SGCD: variants seen among roughly 807,000 people sequenced by gnomAD.
The protein encoded by SGCD is delta-sarcoglycan.
SGCD carries 18 observed loss-of-function variants against 36.6 expected under a neutral mutation model. The observed-to-expected ratio is 0.49, with a 90% CI of 0.34 to 0.73. The LOEUF is 0.73. SGCD is among the 30% of genes least tolerant of loss of function. The probability of loss-of-function intolerance (pLI) is 0.01; values close to 1 mark genes in which losing one functional copy is unlikely to be tolerated. For synonymous variants in SGCD, 133 were observed against 130.6 expected (o/e 1.02, Z -0.12); for missense variants, 387 against 346.7 (o/e 1.12, Z -0.92).
At chr5:155,920,745 T>C (rs1407179716) in intron 1 of SGCD, among the ~76,000 whole-genome samples, 1 of 152,068 alleles carries the variant, frequency 6.6e-6, no homozygotes, top group Non-Finnish European at 1.5e-5. Context: ...TCTTGGATGG[T>C]GCAGTCATCA....
intron 1 of SGCD, among the ~76,000 whole-genome samples, chr5:156,073,435 T>C (rs570503824): frequency 6.6e-6 from 1 of 152,276 alleles, no homozygotes; most frequent in Non-Finnish European, 1.5e-5. Flanking sequence ...TGATGGTTTA[T>C]GCCTGTAGGT....
intron 5 of SGCD, among the ~76,000 whole-genome samples, chr5:156,593,106 G>A (rs1169123164): frequency 6.6e-6 from 1 of 152,128 alleles, no homozygotes; most frequent in Non-Finnish European, 1.5e-5. Context: ...GATAGATACA[G>A]TAGGCAGTGA....
At chr5:155,892,459 G>GAAAAAAAAAAAAA (rs70981989) in intron 1 of SGCD, among the ~76,000 whole-genome samples, 1 of 94,312 alleles carries the variant, frequency 1.1e-5, no homozygotes. Flanking sequence ...ATCTGAAAAA[G>GAAAAAAAAAAAAA]AAAAAAAAAA....
At chr5:156,026,912 C>A (rs886821456) in intron 1 of SGCD, among the ~76,000 whole-genome samples, 1 of 151,886 alleles carries the variant, frequency 6.6e-6, no homozygotes, top group Non-Finnish European at 1.5e-5. Flanking sequence ...CATTGTAGTA[C>A]AAAAATGATG....
intron 6 of SGCD, among the ~76,000 whole-genome samples, chr5:156,634,648 G>C (rs564884213): frequency 4.3e-4 from 65 of 152,218 alleles, no homozygotes; most frequent in Non-Finnish European, 8.5e-4. Context: ...GTAGCATGAG[G>C]GAATTTTTGG....
intron 3 of SGCD, among the ~76,000 whole-genome samples, chr5:156,464,339 C>T (rs1396597232): frequency 2.0e-5 from 3 of 151,236 alleles, no homozygotes; most frequent in African/African-American, 7.3e-5. Context: ...TCCTGCCTCA[C>T]CCTACAGAGT....
intron 6 of SGCD, among the ~76,000 whole-genome samples, chr5:156,607,667 A>C (rs1180826334): frequency 1.3e-5 from 2 of 151,046 alleles, no homozygotes; most frequent in Non-Finnish European, 2.9e-5. Flanking sequence ...CTGTGAATCC[A>C]TCTGGTCCTG....
chr5:156,610,314 A>T (rs1761729562), intron 6 of SGCD, among the ~76,000 whole-genome samples: 1 of 152,132 alleles, frequency 6.6e-6, no homozygotes, highest in Non-Finnish European at 1.5e-5. Context: ...TCCACTCCAG[A>T]CCCTGTTTGC....
At chr5:156,460,516 CACAG>C (rs1026959645) in intron 3 of SGCD, among the ~76,000 whole-genome samples, 1 of 152,090 alleles carries the variant, frequency 6.6e-6, no homozygotes, top group African/African-American at 2.4e-5. Flanking sequence ...TTAGGCATGC[CACAG>C]ACAGAGAGAC....
At chr5:155,968,913 A>G (rs185566751) in intron 1 of SGCD, among the ~76,000 whole-genome samples, 254 of 152,216 alleles carry the variant, frequency 1.7e-3, no homozygotes, top group Non-Finnish European at 1.9e-3. Context: ...TGATTGTTTT[A>G]ATTAAGTGGG....
At chr5:155,775,877 G>GAAAC in the SGCD span, among the ~76,000 whole-genome samples, 1 of 152,144 alleles carries the variant, frequency 6.6e-6, no homozygotes, top group East Asian at 1.9e-4. Flanking sequence ...AGGAGAAGTA[G>GAAAC]AGTGTTTTGT....
intron 2 of SGCD, among the ~76,000 whole-genome samples, chr5:156,119,465 G>A (rs1220843711): frequency 2.6e-5 from 4 of 152,210 alleles, no homozygotes; most frequent in South Asian, 2.1e-4. Context: ...TTGGCAACAG[G>A]AATGCTGTGT....
chr5:156,008,110 TA>T (rs1490590723), intron 1 of SGCD, among the ~76,000 whole-genome samples: 2 of 152,172 alleles, frequency 1.3e-5, no homozygotes, highest in African/African-American at 4.8e-5. Flanking sequence ...ATGGCTGCTA[TA>T]AAAAAATGCC....
At chr5:156,338,879 C>T (rs1355086473) in intron 2 of SGCD, among the ~76,000 whole-genome samples, 1 of 152,068 alleles carries the variant, frequency 6.6e-6, no homozygotes, top group Non-Finnish European at 1.5e-5. Flanking sequence ...AGTCCAAGTC[C>T]AAGTCGATCC....
At position 155,883,860 on chromosome 5, in the gene SGCD, G is replaced by T. The variant is rs369491274; in HGVS notation, c.-282+13436G>T. 3.3e-4 allele frequency among the ~76,000 whole-genome samples: 47 copies of T among 143,942 alleles called. 1 individual carries two copies. Among genetic ancestry groups the T allele is most frequent in the African/African-American group, 1.1e-3 (43 of 38,036 alleles). 94.4% of individuals were successfully genotyped at this position (143,942 alleles called of 152,430 possible). Reference sequence around the variant, plus strand: ...GAAAATAATATGAAATGCAATAAATGAGGTATGCCATTTTTTGAAAGATGG... The same window carrying T: ...GAAAATAATATGAAATGCAATAAATTAGGTATGCCATTTTTTGAAAGATGG... On this transcript the variant is annotated intron_variant, in intron 1 of 9. Coordinates refer to the SGCD transcript ENST00000517913.
intron 4 of SGCD, among the ~76,000 whole-genome samples, chr5:156,544,261 C>T (rs1758469994): frequency 6.6e-6 from 1 of 152,186 alleles, no homozygotes; most frequent in South Asian, 2.1e-4. Context: ...AGCTTGCCTT[C>T]TAATGCTCAG....
At chr5:155,962,455 T>C (rs997379596) in intron 1 of SGCD, among the ~76,000 whole-genome samples, 7 of 152,096 alleles carry the variant, frequency 4.6e-5, no homozygotes, top group Admixed American at 2.0e-4. Flanking sequence ...TTGCCCTCGA[T>C]TGGATACTGT....
intron 7 of SGCD, among the ~76,000 whole-genome samples, chr5:156,695,977 C>T (rs2113717147): frequency 6.6e-6 from 1 of 152,322 alleles, no homozygotes; most frequent in South Asian, 2.1e-4. Context: ...CAACATGAAA[C>T]ACTTGTGCTT....
intron 1 of SGCD, among the ~76,000 whole-genome samples, chr5:155,947,760 C>T (rs977426740): frequency 6.6e-6 from 1 of 152,094 alleles, no homozygotes; most frequent in African/African-American, 2.4e-5. Flanking sequence ...GCAGCAGGTA[C>T]ATGTTTGTCC....
Sources: allele counts gnomAD v4.1 joint callset (sites outside exome capture counted in the v4.1 genomes callset), GRCh38; gene constraint gnomAD v4.1.1; transcripts MANE v1.5; gene names NCBI Gene and HGNC (gene_info 2026-07-23, HGNC 2026-07-21).